Variants in KAZN observed in about 807,000 individuals in gnomAD.
The protein encoded by KAZN is kazrin, periplakin interacting protein.
Under a neutral mutation model 87.4 loss-of-function variants are expected in KAZN, and 40 were observed. That is an observed-to-expected ratio of 0.46 (90% CI 0.36 to 0.60). The LOEUF is 0.60. KAZN is among the 20% of genes least tolerant of loss of function. The pLI is 0.00. For synonymous variants in KAZN, 466 were observed against 458.3 expected (o/e 1.02, Z -0.22); for missense variants, 898 against 1,073.9 (o/e 0.84, Z 2.29).
intron 1 of KAZN, among the ~76,000 whole-genome samples, chr1:14,008,062 T>G (rs1190651350): frequency 6.6e-6 from 1 of 152,192 alleles, no homozygotes; most frequent in African/African-American, 2.4e-5. Flanking sequence ...GACTTCTAGT[T>G]CTGCTAGAAG....
At chr1:14,544,396 T>C (rs894904546) in intron 2 of KAZN, among the ~76,000 whole-genome samples, 1 of 131,068 alleles carries the variant, frequency 7.6e-6, no homozygotes, top group African/African-American at 2.8e-5. Context: ...TTCTCAAAAA[T>C]GTGAAAAAGT....
At chr1:15,110,416 TGC>T (rs575978259) in intron 13 of KAZN, among the ~76,000 whole-genome samples, 4,132 of 150,074 alleles carry the variant, frequency 0.028, 84 homozygotes, top group Non-Finnish European at 0.045. Context: ...TATTTGTGTG[TGC>T]GCATATGTGT....
At chr1:14,109,684 C>T (rs978862372) in intron 1 of KAZN, among the ~76,000 whole-genome samples, 3 of 152,288 alleles carry the variant, frequency 2.0e-5, no homozygotes, top group Non-Finnish European at 4.4e-5. Context: ...CACGGCCCAG[C>T]GTGAACCTGA....
rs150634666 is a variant in KAZN, at chr1:14,801,875, G to A, written c.227-158809G>A. The stretch of plus-strand genomic sequence containing the variant: ...ATTTTTTTGTATTTTTAGTACAGAC[G>A]GGGTTTCACCATGTTAGCCAGTATG... On this transcript the variant is annotated intron_variant, in intron 1 of 14. Coordinates refer to ENST00000376030, the MANE Select transcript of KAZN (RefSeq NM_201628.3). Among the ~76,000 whole-genome samples the A allele has an allele frequency of 2.5e-3, 383 of 151,712 alleles. 4 individuals carry two copies. The highest frequency in any genetic ancestry group is 8.9e-3 in the African/African-American group (369 of 41,372).
exon 1 of KAZN, chr1:13,893,439 AGG>A: frequency 7.0e-6 from 4 of 570,676 alleles, no homozygotes; most frequent in Non-Finnish European, 1.1e-5. Flanking sequence ...AGATTTGCCA[AGG>A]CTTATAGGGT....
At chr1:14,365,084 C>G (rs957375389) in intron 2 of KAZN, among the ~76,000 whole-genome samples, 5 of 151,300 alleles carry the variant, frequency 3.3e-5, no homozygotes, top group African/African-American at 9.7e-5. Context: ...CACTCTGTTG[C>G]CCAGACTGGA....
At chr1:14,288,239 G>A (rs1653409820) in intron 2 of KAZN, among the ~76,000 whole-genome samples, 1 of 152,172 alleles carries the variant, frequency 6.6e-6, no homozygotes, top group Non-Finnish European at 1.5e-5. Flanking sequence ...GATTGGAATA[G>A]TTTCAGAAGG....
chr1:14,893,598 T>C (rs1321679844), intron 1 of KAZN, among the ~76,000 whole-genome samples: 1 of 152,046 alleles, frequency 6.6e-6, no homozygotes, highest in African/African-American at 2.4e-5. Context: ...CTGCTACTGC[T>C]CTCCCTACAG....
intron 2 of KAZN, among the ~76,000 whole-genome samples, chr1:14,293,886 A>T (rs970294890): frequency 3.3e-5 from 5 of 152,176 alleles, no homozygotes; most frequent in Non-Finnish European, 5.9e-5. Context: ...GAAGATAGCA[A>T]GTCCATTGTC....
chr1:14,942,165 T>C (rs575981485), intron 1 of KAZN, among the ~76,000 whole-genome samples: 1 of 152,312 alleles, frequency 6.6e-6, no homozygotes, highest in Non-Finnish European at 1.5e-5. Context: ...CTGCGGTGTT[T>C]ATGTGGCTTG....
chr1:14,800,044 C>T (rs1226345276), intron 1 of KAZN, among the ~76,000 whole-genome samples: 2 of 152,122 alleles, frequency 1.3e-5, no homozygotes, highest in Admixed American at 6.5e-5. Context: ...GTCGTGGGGA[C>T]TCAAGGCTTG....
At chr1:14,971,204 C>T (rs1664989809) in intron 2 of KAZN, among the ~76,000 whole-genome samples, 1 of 152,148 alleles carries the variant, frequency 6.6e-6, no homozygotes, top group South Asian at 2.1e-4. Flanking sequence ...TTGAGACCAG[C>T]CTGACCAACA....
At chr1:14,315,896 T>A (rs1048280325) in intron 2 of KAZN, among the ~76,000 whole-genome samples, 1 of 151,834 alleles carries the variant, frequency 6.6e-6, no homozygotes, top group Non-Finnish European at 1.5e-5. Flanking sequence ...ATTTTTTTTT[T>A]ATATTTTGGG....
chr1:14,636,405 G>A (rs1269123617), intron 1 of KAZN, among the ~76,000 whole-genome samples: 1 of 152,218 alleles, frequency 6.6e-6, no homozygotes, highest in Non-Finnish European at 1.5e-5. Context: ...TCAGAGGAAG[G>A]TGAGATAGAC....
chr1:14,048,305 C>T (rs1175925527), intron 1 of KAZN, among the ~76,000 whole-genome samples: 1 of 152,214 alleles, frequency 6.6e-6, no homozygotes, highest in Non-Finnish European at 1.5e-5. Flanking sequence ...TACCATCCTG[C>T]CCTAATTCAG....
intron 1 of KAZN, among the ~76,000 whole-genome samples, chr1:14,133,292 G>C (rs750916116): frequency 2.0e-5 from 3 of 151,384 alleles, no homozygotes; most frequent in Non-Finnish European, 1.5e-5. Flanking sequence ...GCTTGGACCT[G>C]GGAGGCAGAG....
intron 1 of KAZN, among the ~76,000 whole-genome samples, chr1:14,608,125 G>T (rs140039403): frequency 6.6e-6 from 1 of 152,210 alleles, no homozygotes; most frequent in African/African-American, 2.4e-5. Flanking sequence ...TGCTCGCTTC[G>T]TTAAGACGAG....
chr1:14,839,227 G>A (rs560477189), intron 1 of KAZN, among the ~76,000 whole-genome samples: 10 of 152,202 alleles, frequency 6.6e-5, no homozygotes, highest in East Asian at 3.9e-4. Context: ...TGCAGTCTCC[G>A]GAGTGTTCTG....
chr1:15,073,968 G>T (rs1639626959), intron 8 of KAZN, among the ~76,000 whole-genome samples: 1 of 152,168 alleles, frequency 6.6e-6, no homozygotes, highest in Non-Finnish European at 1.5e-5. Flanking sequence ...CTCCTGAGGA[G>T]GCCCAGTCTT....
Sources: allele counts gnomAD v4.1 joint callset (sites outside exome capture counted in the v4.1 genomes callset), GRCh38; gene constraint gnomAD v4.1.1; transcripts MANE v1.5; gene names NCBI Gene and HGNC (gene_info 2026-07-23, HGNC 2026-07-21).